SH3KBP1: variants seen among roughly 807,000 people sequenced by gnomAD.
SH3KBP1 encodes the protein SH3 domain-containing kinase-binding protein 1.
Under a neutral mutation model 50.1 loss-of-function variants are expected in SH3KBP1, and 8 were observed. The ratio of observed to expected loss-of-function variants is 0.16; its 90% CI spans 0.09 to 0.29. The LOEUF (loss-of-function observed/expected upper bound fraction) is 0.29. Among genes scored for constraint, SH3KBP1 ranks in the 10% least tolerant of loss-of-function variants. The pLI is 1.00. For synonymous variants in SH3KBP1, 227 were observed against 218.6 expected, an observed-to-expected ratio of 1.04 and a Z score of -0.34; for missense variants, 377 against 535.2, an observed-to-expected ratio of 0.70 and a Z score of 2.92.
At chrX:19,798,146 G>A (rs1032806616) in intron 2 of SH3KBP1, among the ~76,000 whole-genome samples, 8 of 110,913 alleles carry the variant, frequency 7.2e-5, no homozygotes, top group Admixed American at 2.9e-4. Context: ...GTGCAGTAGC[G>A]TGATCATGGC....
intron 2 of SH3KBP1, among the ~76,000 whole-genome samples, chrX:19,793,126 A>G (rs1351173200): frequency 9.2e-6 from 1 of 108,256 alleles, no homozygotes; most frequent in East Asian, 2.9e-4. Context: ...GTGGGACCCC[A>G]TCTCTTAAAA....
intron 1 of SH3KBP1, among the ~76,000 whole-genome samples, chrX:19,859,152 A>G (rs1013944389): frequency 1.9e-5 from 2 of 102,586 alleles, no homozygotes; most frequent in African/African-American, 7.1e-5. Context: ...TGAAATTACT[A>G]TTTTTTTTTT....
At chrX:19,539,914 G>T (rs2064832625) in intron 16 of SH3KBP1, among the ~76,000 whole-genome samples, 1 of 111,796 alleles carries the variant, frequency 8.9e-6, no homozygotes, top group Admixed American at 9.5e-5. Flanking sequence ...CCAACTATTT[G>T]CAGGCTTCAC....
At chrX:19,553,647 G>A (rs888293859) in intron 13 of SH3KBP1, among the ~76,000 whole-genome samples, 1 of 106,310 alleles carries the variant, frequency 9.4e-6, no homozygotes, top group Middle Eastern at 4.3e-3. Flanking sequence ...TATGGATGCA[G>A]AGAAGGCAGA....
chrX:19,554,054 T>C (rs1365672818), intron 13 of SH3KBP1, among the ~76,000 whole-genome samples: 5 of 63,681 alleles, frequency 7.9e-5, no homozygotes, highest in Non-Finnish European at 1.2e-4. Context: ...TATTAAAATA[T>C]ATTATATATA....
chrX:19,645,739 T>C (rs938662419), intron 6 of SH3KBP1, among the ~76,000 whole-genome samples: 2 of 112,017 alleles, frequency 1.8e-5, no homozygotes, highest in Non-Finnish European at 3.8e-5. Context: ...TATACTCTTA[T>C]AAAAGGTTGA....
chrX:19,792,852 C>G (rs923263577), intron 2 of SH3KBP1, among the ~76,000 whole-genome samples: 1 of 109,941 alleles, frequency 9.1e-6, no homozygotes, highest in African/African-American at 3.3e-5. Flanking sequence ...CCCAGAGATG[C>G]TCCTAAACAT....
At chrX:19,555,468 A>G (rs1221064192) in intron 13 of SH3KBP1, among the ~76,000 whole-genome samples, 1 of 112,306 alleles carries the variant, frequency 8.9e-6, no homozygotes, top group African/African-American at 3.2e-5. Flanking sequence ...AGCACAGAGG[A>G]GAAACAGTCA....
intron 16 of SH3KBP1, among the ~76,000 whole-genome samples, chrX:19,539,347 C>T (rs1293277498): frequency 1.8e-5 from 2 of 112,226 alleles, no homozygotes. Context: ...GGGCAGTGTC[C>T]CAGCTCTGCT....
At chrX:19,767,997 G>C (rs2065673715) in intron 2 of SH3KBP1, among the ~76,000 whole-genome samples, 1 of 110,996 alleles carries the variant, frequency 9.0e-6, no homozygotes, top group Non-Finnish European at 1.9e-5. Context: ...TGAAAATGCA[G>C]AATGGTTTTA....
chrX:19,672,351 G>C (rs2062817910), intron 6 of SH3KBP1, among the ~76,000 whole-genome samples: 1 of 112,076 alleles, frequency 8.9e-6, no homozygotes, highest in Non-Finnish European at 1.9e-5. Context: ...GAGGGGCACA[G>C]AGTACCCTTT....
chrX:19,852,906 A>G (rs1358795773), intron 1 of SH3KBP1, among the ~76,000 whole-genome samples: 1 of 112,057 alleles, frequency 8.9e-6, no homozygotes, highest in East Asian at 2.8e-4. Flanking sequence ...AAGGAAGGGT[A>G]TCTTTCTCTG....
At chrX:19,570,864 G>A (rs968493088) in intron 12 of SH3KBP1, among the ~76,000 whole-genome samples, 1 of 111,898 alleles carries the variant, frequency 8.9e-6, no homozygotes, top group African/African-American at 3.3e-5. Flanking sequence ...GCTGAGGCAG[G>A]AAGATCACCT....
rs111295092 is a variant in SH3KBP1, at chrX:19,730,002, AT to A, written c.286+16315del. On this transcript the variant is annotated intron_variant, in intron 3 of 17. Coordinates refer to ENST00000397821, the MANE Select transcript of SH3KBP1 (RefSeq NM_031892.3). ...TGCCAGACCCATCAGTAACTGAGCG[AT>A]TTTTTTTTTCCTTTTTGTACATAGT... Among the ~76,000 whole-genome samples the A allele has an allele frequency of 5.4e-3, 588 of 108,472 alleles. 7 individuals are homozygous for A. Among genetic ancestry groups the A allele is most frequent in the African/African-American group, 0.017 (507 of 29,931 alleles). 94.2% of individuals were successfully genotyped at this position (108,472 alleles called of 115,157 possible). A position where few individuals can be genotyped will look rare whatever the true frequency, so the allele number is the denominator to read the frequency against.
intron 4 of SH3KBP1, among the ~76,000 whole-genome samples, chrX:19,705,791 G>C (rs1405040260): frequency 3.6e-5 from 4 of 111,873 alleles, no homozygotes; most frequent in Admixed American, 9.5e-5. Flanking sequence ...AAATTTTGAC[G>C]AGCAGAAATG....
intron 8 of SH3KBP1, among the ~76,000 whole-genome samples, chrX:19,609,080 G>A (rs1180077328): frequency 1.8e-5 from 2 of 112,933 alleles, no homozygotes; most frequent in Non-Finnish European, 3.7e-5. Flanking sequence ...AATGGCAAGA[G>A]CCTGGCCTTT....
intron 2 of SH3KBP1, among the ~76,000 whole-genome samples, chrX:19,790,235 C>T (rs959345287): frequency 1.5e-4 from 17 of 112,291 alleles, no homozygotes; most frequent in Non-Finnish European, 3.2e-4. Flanking sequence ...CTGCCGTACC[C>T]ACCAGGGTTC....
intron 15 of SH3KBP1, among the ~76,000 whole-genome samples, chrX:19,543,163 C>G (rs1482133388): frequency 9.0e-6 from 1 of 111,282 alleles, no homozygotes; most frequent in Non-Finnish European, 1.9e-5. Context: ...GATGGAGACC[C>G]TGCCCTCATG....
At chrX:19,587,335 G>A (rs2066603611) in intron 12 of SH3KBP1, among the ~76,000 whole-genome samples, 1 of 111,010 alleles carries the variant, frequency 9.0e-6, no homozygotes, top group African/African-American at 3.3e-5. Flanking sequence ...GGGGCTGGGA[G>A]AGGGGGTAAA....
Sources: gnomAD v4.1 joint callset for allele counts (sites outside exome capture counted in the v4.1 genomes callset) on GRCh38, gnomAD v4.1.1 for gene constraint, MANE v1.5 for transcripts, NCBI Gene and HGNC (gene_info 2026-07-23, HGNC 2026-07-21) for gene names.